Variants in TENT4A observed in about 807,000 individuals in gnomAD.
TENT4A encodes terminal nucleotidyltransferase 4A.
Under a neutral mutation model 72.8 loss-of-function variants are expected in TENT4A, and 7 were observed. The ratio of observed to expected loss-of-function variants is 0.10; its 90% CI spans 0.05 to 0.18. TENT4A has a LOEUF of 0.18. TENT4A is among the 10% of genes least tolerant of loss of function. The pLI is 1.00. For synonymous variants in TENT4A, 456 were observed against 434.3 expected (o/e 1.05, Z -0.62); for missense variants, 831 against 1,017.7 (o/e 0.82, Z 2.50).
chr5:6,730,432 G>C lies in TENT4A; in HGVS notation c.717-7078G>C, dbSNP rs1009181679. 2.0e-5 allele frequency among the ~76,000 whole-genome samples: 3 copies of C among 152,158 alleles called. No individual in the cohort carries two copies. The East Asian group carries it at 5.8e-4, about 29-fold the overall frequency. ...TTAGTCGGTCTTAACCTTTTTCACCGAGTTAGCATTGGCTGTCTCAGGAGG... is the reference window on the plus strand; with the variant it reads ...TTAGTCGGTCTTAACCTTTTTCACCCAGTTAGCATTGGCTGTCTCAGGAGG... On this transcript the variant is annotated intron_variant, in intron 1 of 12. Coordinates refer to ENST00000230859, the MANE Select transcript of TENT4A (RefSeq NM_006999.6).
intron 9 of TENT4A, 60 bp from the exon 10 acceptor site, chr5:6,750,271 C>T (rs939808347): frequency 1.7e-5 from 24 of 1,439,764 alleles, no homozygotes; most frequent in African/African-American, 4.3e-5. Flanking sequence ...CTGATGCTGC[C>T]GGGGCGGCTC....
chr5:6,755,036 A>G lies in TENT4A; in HGVS notation c.*91A>G. The G allele has an allele frequency of 8.4e-7, 1 of 1,189,508 alleles. No individual in the cohort carries two copies. Among genetic ancestry groups the G allele is most frequent in the Non-Finnish European group, 1.1e-6 (1 of 882,130 alleles). 73.7% of individuals were successfully genotyped at this position (1,189,508 alleles called of 1,614,324 possible). A position where few individuals can be genotyped will look rare whatever the true frequency, so the allele number is the denominator to read the frequency against. On this transcript the variant is annotated 3_prime_UTR_variant, in exon 13 of 13. Coordinates refer to ENST00000230859, the MANE Select transcript of TENT4A (RefSeq NM_006999.6). The stretch of plus-strand genomic sequence containing the variant: ...AGGGGAACCGAGACCAGCACCCCGC[A>G]CGTCAGCCGGGCTCGCGGCACGCCC...
intron 1 of TENT4A, among the ~76,000 whole-genome samples, chr5:6,735,948 A>G (rs1741464452): frequency 6.6e-6 from 1 of 152,048 alleles, no homozygotes. Context: ...TTTTTAGCAG[A>G]GATGGGGTTT....
chr5:6,719,363 G>GA (rs527420194), intron 1 of TENT4A, among the ~76,000 whole-genome samples: 238 of 150,400 alleles, frequency 1.6e-3, no homozygotes, highest in African/African-American at 4.6e-3. Context: ...TAAAGGTTAA[G>GA]AAAAAAAAAC....
chr5:6,728,530 C>T (rs955322362), intron 1 of TENT4A, among the ~76,000 whole-genome samples: 60 of 152,290 alleles, frequency 3.9e-4, no homozygotes, highest in Non-Finnish European at 2.2e-4. Flanking sequence ...AGGGCAGGGA[C>T]GTGTACTGCT....
At chr5:6,718,830 A>G (rs926759962) in intron 1 of TENT4A, among the ~76,000 whole-genome samples, 2 of 152,160 alleles carry the variant, frequency 1.3e-5, no homozygotes, top group African/African-American at 4.8e-5. Context: ...ATGTCTGGTC[A>G]CTGATAGATG....
chr5:6,724,650 G>A (rs1329434508), intron 1 of TENT4A, among the ~76,000 whole-genome samples: 2 of 152,170 alleles, frequency 1.3e-5, no homozygotes, highest in South Asian at 2.1e-4. Flanking sequence ...TTGCAGACTC[G>A]TTGAGTAAAA....
At chr5:6,739,974 A>G (rs1362942139) in intron 4 of TENT4A, 122 bp downstream of exon 4, 8 of 913,768 alleles carry the variant, frequency 8.8e-6, no homozygotes, top group Non-Finnish European at 1.3e-5. Context: ...ACAGTTTTGA[A>G]GATTAATCTG....
Position 6,713,916 on chromosome 5 carries a change from G to A in TENT4A, c.-68G>A, listed in dbSNP as rs1166225547. ...GTCCGTGCGCGCGCGGCCGGGCCTC[G>A]GGGCGCGGCGGGGGCGGGGCCGCGT... On this transcript the variant is annotated 5_prime_UTR_variant, in exon 1 of 13. Coordinates refer to ENST00000230859, the MANE Select transcript of TENT4A (RefSeq NM_006999.6). 1.1e-5 allele frequency: 7 copies of A among 665,126 alleles called. No homozygotes were observed. Among genetic ancestry groups the A allele is most frequent in the African/African-American group, 4.0e-5 (2 of 50,316 alleles). The allele number at this position is 665,126 out of a possible 1,614,324, so 41.2% of individuals were successfully genotyped here.
intron 1 of TENT4A, among the ~76,000 whole-genome samples, chr5:6,734,531 G>GGGCT: frequency 6.6e-6 from 1 of 152,264 alleles, no homozygotes; most frequent in South Asian, 2.1e-4. Flanking sequence ...CTTCTTGTCT[G>GGGCT]ACTCCGTCAT....
At chr5:6,726,852 C>T (rs905660883) in intron 1 of TENT4A, among the ~76,000 whole-genome samples, 4 of 152,154 alleles carry the variant, frequency 2.6e-5, no homozygotes, top group African/African-American at 4.8e-5. Context: ...CTTGAGGATC[C>T]GGATATAGAC....
chr5:6,735,283 C>T (rs1368248142), intron 1 of TENT4A, among the ~76,000 whole-genome samples: 13 of 152,060 alleles, frequency 8.5e-5, no homozygotes, highest in Admixed American at 7.9e-4. Flanking sequence ...CTGTTATTAT[C>T]CTCAGAACAG....
At position 6,714,319 on chromosome 5, in the gene TENT4A, G is replaced by GTCGTCCTCC; in HGVS notation, c.343_351dup (p.Ser115_Ser117dup). ...AGTCGCCGTCGCTGTCGTCCTCGTC[G>GTCGTCCTCC]TCGTCCTCCTCGTCCAACGCGGAGT... On this transcript the variant is annotated inframe_insertion, in exon 1 of 13. Transcript: ENST00000230859. 1 of 1,115,212 alleles carries GTCGTCCTCC rather than the reference G, an allele frequency of 9.0e-7. No homozygotes were observed. The highest frequency in any genetic ancestry group is 1.1e-6 in the Non-Finnish European group (1 of 914,162). The allele number at this position is 1,115,212 out of a possible 1,614,324, so 69.1% of individuals were successfully genotyped here. A position where few individuals can be genotyped will look rare whatever the true frequency, so the allele number is the denominator to read the frequency against.
chr5:6,716,217 G>C (rs1740379299), intron 1 of TENT4A, among the ~76,000 whole-genome samples: 1 of 152,172 alleles, frequency 6.6e-6, no homozygotes, highest in Admixed American at 6.5e-5. Flanking sequence ...TTTTGTTAGT[G>C]AATGAGCCCA....
intron 1 of TENT4A, among the ~76,000 whole-genome samples, chr5:6,735,711 T>G (rs1423506923): frequency 6.6e-6 from 1 of 152,028 alleles, no homozygotes; most frequent in East Asian, 1.9e-4. Flanking sequence ...ACAGCTGGAC[T>G]GGTGGCTGTC....
At chr5:6,730,494 C>T (rs1025613165) in intron 1 of TENT4A, among the ~76,000 whole-genome samples, 2 of 152,334 alleles carry the variant, frequency 1.3e-5, no homozygotes, top group Admixed American at 1.3e-4. Context: ...GGAGTGCGCC[C>T]TCCTCCTCTG....
intron 1 of TENT4A, among the ~76,000 whole-genome samples, chr5:6,735,887 A>C (rs1484318795): frequency 1.3e-5 from 2 of 151,330 alleles, no homozygotes; most frequent in African/African-American, 4.9e-5. Flanking sequence ...CAGTTTTCTG[A>C]GTAGCTGGGA....
chr5:6,746,513 G>A (rs1449007069), intron 7 of TENT4A, 86 bp downstream of exon 7: 29 of 1,226,466 alleles, frequency 2.4e-5, no homozygotes, highest in Non-Finnish European at 3.3e-5. Flanking sequence ...GGCTCTGAGA[G>A]CCCCGGGCAG....
At chr5:6,734,516 A>T (rs1482675139) in intron 1 of TENT4A, among the ~76,000 whole-genome samples, 1 of 152,272 alleles carries the variant, frequency 6.6e-6, no homozygotes, top group East Asian at 1.9e-4. Flanking sequence ...GCACTTCGCC[A>T]GAGCCTTCTT....
Sources: allele counts gnomAD v4.1 joint callset (sites outside exome capture counted in the v4.1 genomes callset), GRCh38; gene constraint gnomAD v4.1.1; transcripts MANE v1.5; gene names NCBI Gene and HGNC (gene_info 2026-07-23, HGNC 2026-07-21).